ATL1: variants seen among roughly 807,000 people sequenced by gnomAD.
ATL1 encodes atlastin-1.
Under a neutral mutation model 75.5 loss-of-function variants are expected in ATL1, and 31 were observed. That is an observed-to-expected ratio of 0.41 (90% confidence interval 0.31 to 0.55). The LOEUF (loss-of-function observed/expected upper bound fraction) is 0.55, where lower values mean the gene tolerates loss of function less well. Among genes scored for constraint, ATL1 ranks in the 20% least tolerant of loss-of-function variants. ATL1 has a pLI of 0.27. For missense variants in ATL1, 405 were observed against 662.6 expected, an observed-to-expected ratio of 0.61 and a Z score of 4.27; for synonymous variants, 226 against 233.3, an observed-to-expected ratio of 0.97 and a Z score of 0.28.
intron 1 of ATL1, among the ~76,000 whole-genome samples, chr14:50,575,094 A>C (rs958991034): frequency 1.3e-5 from 2 of 150,906 alleles, no homozygotes; most frequent in Non-Finnish European, 3.0e-5. Flanking sequence ...GGAAAGACTT[A>C]GCTTTCCCCC....
At chr14:50,570,941 G>A (rs545868297) in intron 1 of ATL1, among the ~76,000 whole-genome samples, 1 of 152,102 alleles carries the variant, frequency 6.6e-6, no homozygotes, top group Non-Finnish European at 1.5e-5. Context: ...AGATCTTCAC[G>A]GTCTTTTCTG....
chr14:50,582,735 T>G (rs2039068572), intron 1 of ATL1, among the ~76,000 whole-genome samples: 1 of 152,048 alleles, frequency 6.6e-6, no homozygotes, highest in South Asian at 2.1e-4. Context: ...TGCTAATTCA[T>G]TTTATAAAGC....
chr14:50,592,929 A>ATAT (rs1555364083), intron 4 of ATL1, among the ~76,000 whole-genome samples: 1,285 of 113,676 alleles, frequency 0.011, 14 homozygotes, highest in South Asian at 0.03. Flanking sequence ...AAAAAAAAAA[A>ATAT]ATATATATAT....
intron 1 of ATL1, among the ~76,000 whole-genome samples, chr14:50,552,213 C>A (rs917223291): frequency 8.5e-5 from 13 of 152,176 alleles, no homozygotes; most frequent in Admixed American, 7.8e-4. Context: ...TATATACCAA[C>A]AATGACAAAG....
At chr14:50,588,158 T>A in intron 2 of ATL1, 80 bp downstream of exon 2, 1 of 1,562,212 alleles carries the variant, frequency 6.4e-7, no homozygotes, top group South Asian at 1.1e-5. Context: ...GTGTTCAAAA[T>A]TTTCATTTCT....
chr14:50,545,343 A>G (rs2038617266), intron 1 of ATL1, among the ~76,000 whole-genome samples: 1 of 152,186 alleles, frequency 6.6e-6, no homozygotes, highest in South Asian at 2.1e-4. Context: ...CCATTATTCT[A>G]TAAAATCCTG....
intron 5 of ATL1, among the ~76,000 whole-genome samples, chr14:50,594,555 TC>T (rs1408460200): frequency 6.6e-6 from 1 of 151,954 alleles, no homozygotes; most frequent in Non-Finnish European, 1.5e-5. Flanking sequence ...CAATCACTGC[TC>T]CAAAAGGAGC....
intron 1 of ATL1, among the ~76,000 whole-genome samples, chr14:50,551,572 AAAAAG>A (rs2038703237): frequency 6.6e-6 from 1 of 152,182 alleles, no homozygotes; most frequent in Non-Finnish European, 1.5e-5. Context: ...GCCATAACAA[AAAAAG>A]AAAACTACAG....
chr14:50,568,687 G>C (rs530310753), intron 1 of ATL1, among the ~76,000 whole-genome samples: 1 of 152,088 alleles, frequency 6.6e-6, no homozygotes, highest in Non-Finnish European at 1.5e-5. Context: ...TTACTGATAA[G>C]GTGTGACTTC....
In ATL1 at chr14:50,560,225, C is replaced by G; in HGVS notation, c.-41C>G. On this transcript the variant is annotated 5_prime_UTR_variant, in exon 1 of 14. Coordinates refer to ENST00000358385, the MANE Select transcript of ATL1 (RefSeq NM_015915.5). ...CTGCGGCCCCGGAGAAGGCAGCGAG[C>G]GCAGTGACAGCGCCTCACCGCCACC... 1 of 1,612,022 alleles carries G rather than the reference C, an allele frequency of 6.2e-7. No individual in the cohort carries two copies. The highest frequency in any genetic ancestry group is 8.5e-7 in the Non-Finnish European group (1 of 1,178,934).
chr14:50,601,673 G>GTAA (rs1367420730), intron 6 of ATL1, among the ~76,000 whole-genome samples: 1 of 152,130 alleles, frequency 6.6e-6, no homozygotes, highest in Non-Finnish European at 1.5e-5. Context: ...TTCTCTAAGT[G>GTAA]ACATTAGTTA....
chr14:50,562,528 G>T (rs143839763), intron 1 of ATL1, among the ~76,000 whole-genome samples: 1 of 152,198 alleles, frequency 6.6e-6, no homozygotes. Context: ...CATTTTAGGT[G>T]ATTGGGAAGC....
upstream of ATL1, among the ~76,000 whole-genome samples, chr14:50,555,215 C>T (rs1204416205): frequency 6.6e-6 from 1 of 152,190 alleles, no homozygotes; most frequent in Non-Finnish European, 1.5e-5. Context: ...ATGATAGAAG[C>T]CCCAAGTGAA....
intron 8 of ATL1, among the ~76,000 whole-genome samples, chr14:50,616,020 G>T (rs972244882): frequency 1.3e-5 from 2 of 152,120 alleles, no homozygotes; most frequent in African/African-American, 2.4e-5. Flanking sequence ...TAGATACAGG[G>T]TCTCACTCTG....
At chr14:50,595,045 A>G (rs990092400) in intron 5 of ATL1, among the ~76,000 whole-genome samples, 1 of 151,852 alleles carries the variant, frequency 6.6e-6, no homozygotes, top group African/African-American at 2.4e-5. Flanking sequence ...AAGAAAAAAG[A>G]CAAAGAAAGG....
In ATL1 at chr14:50,590,187, T is replaced by A. The variant is rs199738546; in HGVS notation, c.283-754T>A. Among the ~76,000 whole-genome samples the A allele has an allele frequency of 8.5e-5, 13 of 152,328 alleles. No homozygotes were observed. The East Asian group carries it at 2.5e-3, about 29-fold the overall frequency. Reference sequence around the variant, plus strand: ...TCAATCATATTTTTGACCTTTATTATAGCACCCCCACCTTTATCTTTTCTA... The same window carrying A: ...TCAATCATATTTTTGACCTTTATTAAAGCACCCCCACCTTTATCTTTTCTA... On this transcript the variant is annotated intron_variant, in intron 2 of 13. Transcript: ENST00000358385.
At chr14:50,592,946 A>ATATATGTGTG (rs71441294) in intron 4 of ATL1, among the ~76,000 whole-genome samples, 1 of 132,524 alleles carries the variant, frequency 7.5e-6, no homozygotes, top group African/African-American at 3.1e-5. Context: ...ATATATATAT[A>ATATATGTGTG]TGTGTGTGTG....
At chr14:50,550,328 A>G (rs2038686404) in intron 1 of ATL1, among the ~76,000 whole-genome samples, 1 of 152,206 alleles carries the variant, frequency 6.6e-6, no homozygotes, top group African/African-American at 2.4e-5. Context: ...ATAATGTTAC[A>G]AGGAGTAGAT....
In ATL1 at chr14:50,626,099, C is replaced by T. The variant is rs138923291; in HGVS notation, c.1120-1932C>T. Among the ~76,000 whole-genome samples the T allele has an allele frequency of 1.3e-3, 200 of 152,250 alleles. 1 individual carries two copies. The highest frequency in any genetic ancestry group is 2.1e-3 in the Non-Finnish European group (144 of 68,020). The stretch of plus-strand genomic sequence containing the variant: ...GGCAATGACCTTATTCATCAAAGAG[C>T]GCTGATGGAGATGTATTTAAGGAAA... On this transcript the variant is annotated intron_variant, in intron 11 of 13. Coordinates refer to ENST00000358385, the MANE Select transcript of ATL1 (RefSeq NM_015915.5).
Sources: gnomAD v4.1 joint callset for allele counts (sites outside exome capture counted in the v4.1 genomes callset) on GRCh38, gnomAD v4.1.1 for gene constraint, MANE v1.5 for transcripts, NCBI Gene and HGNC (gene_info 2026-07-23, HGNC 2026-07-21) for gene names.